The following CNTN2 variants were observed in gnomAD, a reference collection of about 807,000 sequenced individuals.
CNTN2 encodes the protein contactin-2.
CNTN2 carries 53 observed loss-of-function variants against 117.5 expected under a neutral mutation model. The observed-to-expected ratio is 0.45, with a 90% CI of 0.36 to 0.57. The LOEUF (loss-of-function observed/expected upper bound fraction) is 0.57. Ranked by LOEUF, CNTN2 falls within the 20% of genes least tolerant of loss-of-function variation. CNTN2 has a pLI of 0.00. For missense variants in CNTN2, 1,106 were observed against 1,404.3 expected (o/e 0.79, Z 3.39); for synonymous variants, 530 against 561.7 (o/e 0.94, Z 0.80).
At chr1:205,047,536 C>T (rs1426711137) in intron 1 of CNTN2, among the ~76,000 whole-genome samples, 1 of 152,108 alleles carries the variant, frequency 6.6e-6, no homozygotes, top group Non-Finnish European at 1.5e-5. Flanking sequence ...GCCGCGTGAC[C>T]CCCTGAGCAC....
intron 1 of CNTN2, among the ~76,000 whole-genome samples, chr1:205,046,636 T>TG (rs1558533045): frequency 2.6e-5 from 4 of 152,184 alleles, no homozygotes; most frequent in Non-Finnish European, 5.9e-5. Context: ...GTCTAGGAAC[T>TG]GGGGGGAGCC....
rs567313303 is a variant in CNTN2, at chr1:205,075,074, G to A, written c.*1309G>A. On this transcript the variant is annotated 3_prime_UTR_variant, in exon 23 of 23. Coordinates refer to ENST00000331830, the MANE Select transcript of CNTN2 (RefSeq NM_005076.5). ...ATGGAGGTGGTCCAGAGAGGGTCTG[G>A]GATTCCCAAGGTCACACAGCCCAGA... The A allele has an allele frequency of 5.3e-5, 21 of 395,884 alleles. No homozygotes were observed. Among genetic ancestry groups the A allele is most frequent in the Non-Finnish European group, 8.9e-5 (20 of 224,992 alleles). 24.5% of individuals were successfully genotyped at this position (395,884 alleles called of 1,614,324 possible). A position where few individuals can be genotyped will look rare whatever the true frequency, so the allele number is the denominator to read the frequency against.
At position 205,070,211 on chromosome 1, in the gene CNTN2, A is replaced by G. The variant is rs1019709590; in HGVS notation, c.2431+150A>G. The stretch of plus-strand genomic sequence containing the variant: ...GTTCCACATCATTGGCCTCACTTCC[A>G]GCTCTTGCTACCTTGTCTCCCTTCG... On this transcript the variant is annotated intron_variant, in intron 18 of 22. Transcript: ENST00000331830. 8.7e-6 allele frequency: 7 copies of G among 800,374 alleles called. No homozygotes were observed. In the African/African-American group the frequency reaches 1.2e-4, roughly 14 times the overall value. The allele number at this position is 800,374 out of a possible 1,614,324, so 49.6% of individuals were successfully genotyped here. A position where few individuals can be genotyped will look rare whatever the true frequency, so the allele number is the denominator to read the frequency against.
chr1:205,049,902 C>T (rs1412089150), intron 1 of CNTN2, among the ~76,000 whole-genome samples: 4 of 152,124 alleles, frequency 2.6e-5, no homozygotes, highest in African/African-American at 9.7e-5. Context: ...TCTGGAGCCC[C>T]ATGCTCTCTC....
chr1:205,054,665 G>C (rs1364855130), intron 2 of CNTN2, among the ~76,000 whole-genome samples: 1 of 152,180 alleles, frequency 6.6e-6, no homozygotes, highest in Non-Finnish European at 1.5e-5. Context: ...GCTGGGATCT[G>C]GTCTGCCACC....
chr1:205,058,326 G>C lies in CNTN2; in HGVS notation c.361G>C (p.Val121Leu), dbSNP rs142021392. 4.6e-6 allele frequency: 7 copies of C among 1,526,814 alleles called. No individual in the cohort carries two copies. Among genetic ancestry groups the C allele is most frequent in the Non-Finnish European group, 6.2e-6 (7 of 1,135,554 alleles). The allele number at this position is 1,526,814 out of a possible 1,614,324, so 94.6% of individuals were successfully genotyped here. A position where few individuals can be genotyped will look rare whatever the true frequency, so the allele number is the denominator to read the frequency against. Residue 121 changes from valine to leucine, a missense_variant, in exon 4 of 23, where the codon GTC (valine) becomes CTC (leucine). Coordinates refer to ENST00000331830, the MANE Select transcript of CNTN2 (RefSeq NM_005076.5). The surrounding 1 kb of genome is among the most constrained non-coding windows in gnomAD (Gnocchi z 4.3). ...CLASNPVGTV[V>L]SREAILRFGF... The stretch of plus-strand genomic sequence containing the variant: ...GGCCTCCAACCCAGTGGGCACCGTT[G>C]TCAGCAGGGAGGCCATCCTCCGCTT...
chr1:205,061,558 A>T lies in CNTN2; in HGVS notation c.973+138A>T, dbSNP rs1574647090. On this transcript the variant is annotated intron_variant, in intron 8 of 22. Transcript: ENST00000331830. This position sits in a 1 kb window ranked among gnomAD's most constrained non-coding sequence, Gnocchi z 4.8. ...ATGAGCCTGCTTGCCCTAGGACTGC[A>T]CTGAGTCTGGGACCAGAGGAGGCTA... The T allele has an allele frequency of 9.3e-7, 1 of 1,077,256 alleles. No individual in the cohort carries two copies. Among genetic ancestry groups the T allele is most frequent in the East Asian group, 2.6e-5 (1 of 37,892 alleles). 66.7% of individuals were successfully genotyped at this position (1,077,256 alleles called of 1,614,324 possible). A position where few individuals can be genotyped will look rare whatever the true frequency, so the allele number is the denominator to read the frequency against.
intron 12 of CNTN2, 91 bp from the exon 13 acceptor site, chr1:205,064,996 C>A: frequency 7.0e-7 from 1 of 1,428,554 alleles, no homozygotes; most frequent in South Asian, 1.3e-5. Flanking sequence ...CTTTGCTGGG[C>A]CTTAGGACAG....
chr1:205,049,279 C>A (rs1013395207), intron 1 of CNTN2, among the ~76,000 whole-genome samples: 1 of 112,944 alleles, frequency 8.9e-6, no homozygotes. Flanking sequence ...GTCCTCACAC[C>A]CGACACACAC....
rs1394602480 is a variant in CNTN2, at chr1:205,059,322, G to A, written c.697+29G>A. ...AGGCTTGGCCAGGCGTGGCTGGAGG[G>A]AGGGAACTGGAAGGGTCAGCGGGCA... On this transcript the variant is annotated intron_variant, in intron 6 of 22. Transcript: ENST00000331830. This position sits in a 1 kb window ranked among gnomAD's most constrained non-coding sequence, Gnocchi z 5.6. 7 of 1,598,996 alleles carry A rather than the reference G, an allele frequency of 4.4e-6. No homozygotes were observed. Among genetic ancestry groups the A allele is most frequent in the Middle Eastern group, 1.7e-4 (1 of 6,060 alleles).
chr1:205,071,885 C>G (rs533495300), intron 19 of CNTN2, 62 bp from the exon 20 acceptor site: 1 of 1,481,390 alleles, frequency 6.8e-7, no homozygotes, highest in Admixed American at 2.1e-5. Flanking sequence ...AATGTGGGGG[C>G]CGGGGCAGCC....
Position 205,065,763 on chromosome 1 carries a change from C to G in CNTN2, c.1696-26C>G, listed in dbSNP as rs770009308. 12 of 1,613,854 alleles carry G rather than the reference C, an allele frequency of 7.4e-6. No individual in the cohort carries two copies. Among genetic ancestry groups the G allele is most frequent in the Middle Eastern group, 3.3e-4 (2 of 6,050 alleles). On this transcript the variant is annotated intron_variant, in intron 13 of 22. Transcript: ENST00000331830. The surrounding 1 kb of genome is among the most constrained non-coding windows in gnomAD (Gnocchi z 4.1). Reference sequence around the variant, plus strand: ...TGGTCAGGGCCGGTGGTCTGACCTGCTGCCCCTAACTGTCCCCGTGTGCAG... The same window carrying G: ...TGGTCAGGGCCGGTGGTCTGACCTGGTGCCCCTAACTGTCCCCGTGTGCAG...
intron 2 of CNTN2, among the ~76,000 whole-genome samples, chr1:205,054,394 T>TGGGGCGAGCCATCCAGCCCCCC (rs1039320765): frequency 2.0e-5 from 3 of 152,134 alleles, no homozygotes; most frequent in Non-Finnish European, 4.4e-5. Flanking sequence ...ACTCAGAGTG[T>TGGGGCGAGCCATCCAGCCCCCC]GGGGCGAGCC....
At chr1:205,064,559 G>A (rs879240367) in intron 11 of CNTN2, 64 bp from the exon 12 acceptor site, 2 of 1,601,510 alleles carry the variant, frequency 1.2e-6, no homozygotes, top group South Asian at 1.1e-5. Flanking sequence ...ACAGTCACAG[G>A]AGTTGGCCAG....
chr1:205,053,116 C>T lies in CNTN2; in HGVS notation c.-70C>T, dbSNP rs527277158. ...CCTCCCCAGGTCCTTTCTCAGCCTC[C>T]AGCTGGGCTGTCCCCAAGCTGAGCT... On this transcript the variant is annotated 5_prime_UTR_variant, in exon 2 of 23. Coordinates refer to ENST00000331830, the MANE Select transcript of CNTN2 (RefSeq NM_005076.5). The T allele has an allele frequency of 2.4e-6, 3 of 1,266,696 alleles. No individual in the cohort carries two copies. Among genetic ancestry groups the T allele is most frequent in the Non-Finnish European group, 3.3e-6 (3 of 913,252 alleles). 78.5% of individuals were successfully genotyped at this position (1,266,696 alleles called of 1,614,324 possible).
intron 2 of CNTN2, among the ~76,000 whole-genome samples, chr1:205,056,130 G>C (rs530741008): frequency 1.3e-5 from 2 of 152,310 alleles, no homozygotes; most frequent in South Asian, 4.1e-4. Context: ...GTGGACAGCT[G>C]AGAGCAGAGG....
chr1:205,072,097 G>T lies in CNTN2; in HGVS notation c.2695G>T (p.Ala899Ser), dbSNP rs779553233. Residue 899 changes from alanine (A) to serine (S), a missense_variant, in exon 20 of 23, where the codon GCC (alanine) becomes TCC (serine). Coordinates refer to ENST00000331830, the MANE Select transcript of CNTN2 (RefSeq NM_005076.5). The stretch of plus-strand genomic sequence containing the variant: ...CTACAACCGGGCTGGCACTGGGCCT[G>T]CCAGCCCTTCTGCCAACGCCACGAC... Reference protein sequence around the residue: ...RAYNRAGTGPASPSANATTMK... With the variant: ...RAYNRAGTGPSSPSANATTMK... The T allele has an allele frequency of 6.2e-7, 1 of 1,613,162 alleles. No individual in the cohort carries two copies. Among genetic ancestry groups the T allele is most frequent in the East Asian group, 2.2e-5 (1 of 44,858 alleles).
At chr1:205,066,351 C>T (rs1185153376) in intron 14 of CNTN2, 90 bp from the exon 15 acceptor site, 3 of 1,483,612 alleles carry the variant, frequency 2.0e-6, no homozygotes, top group African/African-American at 1.4e-5. Context: ...TGTCTTGGTA[C>T]TGTACCAGCT....
rs1654230041 is a variant in CNTN2, at chr1:205,065,417, C to G, written c.1695+155C>G. On this transcript the variant is annotated intron_variant, in intron 13 of 22. Coordinates refer to ENST00000331830, the MANE Select transcript of CNTN2 (RefSeq NM_005076.5). The surrounding 1 kb of genome is among the most constrained non-coding windows in gnomAD (Gnocchi z 4.1). ...CATGGCAAGCTCATCCTTGGATGAA[C>G]AGCTGACCTTCCTGGATTCCACCCA... Among the ~76,000 whole-genome samples, 1 of 152,106 alleles carries G rather than the reference C, an allele frequency of 6.6e-6. No individual in the cohort carries two copies. Among genetic ancestry groups the G allele is most frequent in the Non-Finnish European group, 1.5e-5 (1 of 68,020 alleles).
Sources: allele counts gnomAD v4.1 joint callset (sites outside exome capture counted in the v4.1 genomes callset), GRCh38; gene constraint gnomAD v4.1.1; non-coding constraint Gnocchi (gnomAD v3.1); transcripts MANE v1.5; gene names NCBI Gene and HGNC (gene_info 2026-07-23, HGNC 2026-07-21).